CACNA2D2: variants seen among roughly 807,000 people sequenced by gnomAD.
The protein encoded by CACNA2D2 is voltage-dependent calcium channel subunit alpha-2/delta-2.
In CACNA2D2, 48 loss-of-function variants were observed where a neutral mutation model predicts 166.4. The observed-to-expected ratio is 0.29, with a 90% confidence interval of 0.23 to 0.37. CACNA2D2 has a LOEUF of 0.37. CACNA2D2 is among the 10% of genes least tolerant of loss of function. The pLI, the probability that CACNA2D2 is intolerant of heterozygous loss-of-function variation, is 1.00. For synonymous variants in CACNA2D2, 561 were observed against 573.7 expected, an observed-to-expected ratio of 0.98 and a Z score of 0.32; for missense variants, 1,122 against 1,433.0, an observed-to-expected ratio of 0.78 and a Z score of 3.50.
intron 2 of CACNA2D2, among the ~76,000 whole-genome samples, chr3:50,442,530 G>T (rs1708646072): frequency 6.6e-6 from 1 of 152,168 alleles, no homozygotes; most frequent in African/African-American, 2.4e-5. Flanking sequence ...ACAAGAATCT[G>T]CCCTGGCCTC....
intron 1 of CACNA2D2, among the ~76,000 whole-genome samples, chr3:50,491,719 T>C (rs1575777302): frequency 6.6e-6 from 1 of 152,184 alleles, no homozygotes; most frequent in East Asian, 1.9e-4. Flanking sequence ...GGACTATCAG[T>C]CGGGGGACTC....
chr3:50,423,944 A>C (rs1438112690), intron 3 of CACNA2D2, among the ~76,000 whole-genome samples: 1 of 152,194 alleles, frequency 6.6e-6, no homozygotes, highest in Non-Finnish European at 1.5e-5. Flanking sequence ...CTAAAGGAGG[A>C]CAGATCCATC....
At chr3:50,448,697 C>T (rs1295738940) in intron 2 of CACNA2D2, among the ~76,000 whole-genome samples, 1 of 152,116 alleles carries the variant, frequency 6.6e-6, no homozygotes, top group Non-Finnish European at 1.5e-5. Context: ...TCTCAGGGAA[C>T]ATCTGTGTGT....
At chr3:50,405,071 T>G (rs1347133897) in intron 3 of CACNA2D2, among the ~76,000 whole-genome samples, 3 of 152,148 alleles carry the variant, frequency 2.0e-5, no homozygotes, top group Non-Finnish European at 4.4e-5. Flanking sequence ...AAGCGGGCCC[T>G]TCTCAGCTCT....
chr3:50,386,339 C>T (rs1161664303), intron 5 of CACNA2D2, among the ~76,000 whole-genome samples: 1 of 152,184 alleles, frequency 6.6e-6, no homozygotes, highest in Non-Finnish European at 1.5e-5. Context: ...TCAGTGCCAA[C>T]CCCCAGCCCA....
Position 50,367,080 on chromosome 3 carries a change from C to T in CACNA2D2, c.2431G>A (p.Asp811Asn). The T allele has an allele frequency of 6.2e-7, 1 of 1,613,584 alleles. No individual in the cohort carries two copies. Among genetic ancestry groups the T allele is most frequent in the Non-Finnish European group, 8.5e-7 (1 of 1,179,978 alleles). The change falls in exon 28 of 38, where the codon GAC becomes AAC. Residue 811 changes from aspartate to asparagine, a missense_variant. By Grantham distance (23) the Asp-to-Asn change is conservative. Coordinates refer to ENST00000424201, the MANE Select transcript of CACNA2D2 (RefSeq NM_006030.4). The surrounding 1 kb of genome is among the most constrained non-coding windows in gnomAD (Gnocchi z 6.5). ...ALLRPLELEN[D>N]TVGILVSTAV... The stretch of plus-strand genomic sequence containing the variant: ...GTGCTGACGAGGATGCCCACAGTGT[C>T]ATTCTCCAGCTCCAGCGGCCTTAAC...
intron 1 of CACNA2D2, among the ~76,000 whole-genome samples, chr3:50,491,353 G>A (rs1698512440): frequency 6.6e-6 from 1 of 152,206 alleles, no homozygotes. Context: ...TCACAGTGAG[G>A]CTAAGGCGGG....
At chr3:50,454,236 G>A (rs1472723539) in intron 2 of CACNA2D2, among the ~76,000 whole-genome samples, 1 of 152,210 alleles carries the variant, frequency 6.6e-6, no homozygotes, top group African/African-American at 2.4e-5. Flanking sequence ...GCTAGGAACC[G>A]AGTCCAGGAG....
At chr3:50,445,237 T>C (rs1226284630) in intron 2 of CACNA2D2, among the ~76,000 whole-genome samples, 1 of 152,160 alleles carries the variant, frequency 6.6e-6, no homozygotes, top group Non-Finnish European at 1.5e-5. Flanking sequence ...CCTAACAGCA[T>C]AGGTGCCGGA....
chr3:50,417,048 C>T (rs913877568), intron 3 of CACNA2D2, among the ~76,000 whole-genome samples: 16 of 152,316 alleles, frequency 1.1e-4, no homozygotes, highest in African/African-American at 3.6e-4. Flanking sequence ...AAATGTGTGC[C>T]CATGGGTTTT....
chr3:50,434,453 G>GT, intron 2 of CACNA2D2, 24 bp from the exon 3 acceptor site: 2 of 1,567,390 alleles, frequency 1.3e-6, no homozygotes, highest in Non-Finnish European at 1.8e-6. Flanking sequence ...GAAGCCAGGG[G>GT]TGAGACCAGG....
At chr3:50,373,093 A>T (rs1383095275) in intron 22 of CACNA2D2, 1 of 1,534,976 alleles carries the variant, frequency 6.5e-7, no homozygotes, top group Non-Finnish European at 8.7e-7. Flanking sequence ...GCACTGGGAC[A>T]GTCCACCAAG....
At chr3:50,372,591 A>G (rs757926948) in intron 22 of CACNA2D2, among the ~76,000 whole-genome samples, 1 of 152,130 alleles carries the variant, frequency 6.6e-6, no homozygotes, top group Non-Finnish European at 1.5e-5. Context: ...CAGAGATCAG[A>G]GGAGGGAGAG....
intron 3 of CACNA2D2, among the ~76,000 whole-genome samples, chr3:50,420,805 C>T (rs894760012): frequency 2.6e-5 from 4 of 152,222 alleles, no homozygotes; most frequent in Admixed American, 6.5e-5. Flanking sequence ...GCAATGCTGG[C>T]GTCCTGGCCC....
intron 3 of CACNA2D2, among the ~76,000 whole-genome samples, chr3:50,417,031 C>T (rs114874458): frequency 6.0e-4 from 91 of 152,300 alleles, no homozygotes; most frequent in Non-Finnish European, 8.7e-4. Flanking sequence ...AGGGGAAGAA[C>T]AGGGAGAAAT....
chr3:50,423,623 G>A (rs1473511631), intron 3 of CACNA2D2, among the ~76,000 whole-genome samples: 1 of 152,246 alleles, frequency 6.6e-6, no homozygotes, highest in African/African-American at 2.4e-5. Context: ...GAAGGATGGG[G>A]CGTCTTGCCC....
At position 50,363,531 on chromosome 3, in the gene CACNA2D2, A is replaced by AGT; in HGVS notation, c.*1133_*1134dup. On this transcript the variant is annotated 3_prime_UTR_variant, in exon 38 of 38. Coordinates refer to ENST00000424201, the MANE Select transcript of CACNA2D2 (RefSeq NM_006030.4). The stretch of plus-strand genomic sequence containing the variant: ...ACAGTTTGGCCTCCTGCAAGCAGGG[A>AGT]GTGTGTGTGTAGGGGTGGGAAGGAG... The AGT allele has an allele frequency of 2.8e-6, 1 of 358,928 alleles. No individual in the cohort carries two copies. Among genetic ancestry groups the AGT allele is most frequent in the East Asian group, 4.3e-5 (1 of 23,414 alleles). The allele number at this position is 358,928 out of a possible 1,614,324, so 22.2% of individuals were successfully genotyped here.
chr3:50,366,330 G>A lies in CACNA2D2; in HGVS notation c.2646C>T (p.Leu882=), dbSNP rs2109403592. Residue 882 remains leucine, a synonymous_variant, in exon 31 of 38, where the codon CTC becomes CTT. Transcript: ENST00000424201. The surrounding 1 kb of genome is among the most constrained non-coding windows in gnomAD (Gnocchi z 5.9). The part of the protein sequence containing the change: ...MDCEVNNEDL[L]CVLIDDGGFL... ...ATCCTCCATCATCAATGAGGACACA[G>A]AGTAAGTCCTAGGAGGAAGGGAATG... 2 of 1,614,056 alleles carry A rather than the reference G, an allele frequency of 1.2e-6. No homozygotes were observed. The highest frequency in any genetic ancestry group is 2.2e-5 in the South Asian group (2 of 91,090).
At chr3:50,458,548 TC>T (rs1186602844) in intron 2 of CACNA2D2, among the ~76,000 whole-genome samples, 6 of 152,184 alleles carry the variant, frequency 3.9e-5, no homozygotes, top group Admixed American at 2.0e-4. Context: ...CAATTCACTG[TC>T]CAGGGCCCAG....
Sources: allele counts gnomAD v4.1 joint callset (sites outside exome capture counted in the v4.1 genomes callset), GRCh38; gene constraint gnomAD v4.1.1; non-coding constraint Gnocchi (gnomAD v3.1); transcripts MANE v1.5; gene names NCBI Gene and HGNC (gene_info 2026-07-23, HGNC 2026-07-21).